Variants in FAM117B observed in about 807,000 individuals in gnomAD.
FAM117B encodes protein FAM117B.
Under a neutral mutation model 52.8 loss-of-function variants are expected in FAM117B, and 22 were observed. The observed-to-expected ratio is 0.42, with a 90% CI of 0.30 to 0.59. FAM117B has a LOEUF of 0.59. Among genes scored for constraint, FAM117B ranks in the 20% least tolerant of loss-of-function variants. The probability of loss-of-function intolerance (pLI) is 0.22; values close to 1 mark genes in which losing one functional copy is unlikely to be tolerated. For synonymous variants in FAM117B, 309 were observed against 324.1 expected, an observed-to-expected ratio of 0.95 and a Z score of 0.50; for missense variants, 678 against 802.6, an observed-to-expected ratio of 0.84 and a Z score of 1.88.
intron 1 of FAM117B, among the ~76,000 whole-genome samples, chr2:202,687,702 TA>T: frequency 6.6e-6 from 1 of 152,342 alleles, no homozygotes; most frequent in East Asian, 1.9e-4. Flanking sequence ...TGAGTCACTG[TA>T]CCCAGCCTGG....
intron 4 of FAM117B, among the ~76,000 whole-genome samples, chr2:202,748,840 C>G (rs570615435): frequency 2.0e-5 from 3 of 152,100 alleles, no homozygotes; most frequent in Non-Finnish European, 2.9e-5. Flanking sequence ...GGATACCCTG[C>G]GCTCACATGT....
At chr2:202,739,806 A>G (rs1438727312) in intron 4 of FAM117B, among the ~76,000 whole-genome samples, 1 of 152,058 alleles carries the variant, frequency 6.6e-6, no homozygotes, top group Non-Finnish European at 1.5e-5. Context: ...ATTAATATAT[A>G]CCATTGAGAT....
Position 202,665,669 on chromosome 2 carries a change from C to T in FAM117B, c.601+29881C>T, listed in dbSNP as rs532211611. ...AGGCTGGAGTGCAGTGGTGCAATCTCGGCTCACTGCAACTTCTGCCTCCCA... is the reference window on the plus strand; with the variant it reads ...AGGCTGGAGTGCAGTGGTGCAATCTTGGCTCACTGCAACTTCTGCCTCCCA... On this transcript the variant is annotated intron_variant, in intron 1 of 7. Coordinates refer to ENST00000392238, the MANE Select transcript of FAM117B (RefSeq NM_173511.4). Among the ~76,000 whole-genome samples, 5 of 152,234 alleles carry T rather than the reference C, an allele frequency of 3.3e-5. No homozygotes were observed. The South Asian group carries it at 8.3e-4, about 25-fold the overall frequency.
intron 4 of FAM117B, among the ~76,000 whole-genome samples, chr2:202,735,340 CAGA>C (rs1341987322): frequency 1.3e-5 from 2 of 152,082 alleles, no homozygotes; most frequent in East Asian, 1.9e-4. Context: ...TCACGATATG[CAGA>C]AGATGATTTT....
chr2:202,744,892 A>C (rs1691606637), intron 4 of FAM117B, among the ~76,000 whole-genome samples: 1 of 147,274 alleles, frequency 6.8e-6, no homozygotes, highest in Non-Finnish European at 1.5e-5. Flanking sequence ...CAAGAGAATC[A>C]CTTGAACCCG....
At position 202,644,069 on chromosome 2, in the gene FAM117B, T is replaced by G. The variant is rs558802561; in HGVS notation, c.601+8281T>G. On this transcript the variant is annotated intron_variant, in intron 1 of 7. Transcript: ENST00000392238. ...TTAGGAGCTGTTTTTTTTTTGTTTT[T>G]TTTTTTTTTTTTTTTCAGTTTTATG... Among the ~76,000 whole-genome samples the G allele has an allele frequency of 4.9e-4, 71 of 144,224 alleles. 1 individual carries two copies. Among genetic ancestry groups the G allele is most frequent in the East Asian group, 2.7e-3 (14 of 5,120 alleles). The allele number at this position is 144,224 out of a possible 152,430, so 94.6% of individuals were successfully genotyped here.
chr2:202,670,249 T>A (rs1690269728), intron 1 of FAM117B, among the ~76,000 whole-genome samples: 1 of 152,174 alleles, frequency 6.6e-6, no homozygotes, highest in African/African-American at 2.4e-5. Context: ...ACATCAAGCT[T>A]CTGTCCTCAA....
At chr2:202,686,735 A>AG (rs1251607546) in intron 1 of FAM117B, among the ~76,000 whole-genome samples, 1 of 151,526 alleles carries the variant, frequency 6.6e-6, no homozygotes, top group Non-Finnish European at 1.5e-5. Flanking sequence ...TGAACCTGGG[A>AG]GGGGGAGGTT....
intron 4 of FAM117B, among the ~76,000 whole-genome samples, chr2:202,737,751 A>G (rs1208610508): frequency 6.6e-6 from 1 of 151,898 alleles, no homozygotes; most frequent in Non-Finnish European, 1.5e-5. Flanking sequence ...ACAGGCACAC[A>G]CCACCACGCC....
At chr2:202,682,427 C>T (rs540279644) in intron 1 of FAM117B, among the ~76,000 whole-genome samples, 3 of 152,282 alleles carry the variant, frequency 2.0e-5, no homozygotes, top group South Asian at 2.1e-4. Context: ...CAAAAGCAGT[C>T]GCCCAACCAC....
At chr2:202,731,368 T>TATATATATATATATATATATATATATAG (rs780138718) in intron 4 of FAM117B, among the ~76,000 whole-genome samples, 9 of 95,832 alleles carry the variant, frequency 9.4e-5, no homozygotes, top group Non-Finnish European at 1.3e-4. Flanking sequence ...TATATATATA[T>TATATATATATATATATATATATATATAG]GGAGAGAGAG....
Position 202,635,386 on chromosome 2 carries a change from G to A in FAM117B, c.199G>A (p.Gly67Ser). ...CGGCGGCGGCGGCGGCAACAACAAC[G>A]GTGGCTGCTGTGGTGGCGCCTCAGG... ...SGGGGGGNNN[G>S]GCCGGASGPA... is the part of the protein sequence containing the mutation. The change falls in exon 1 of 8, where the codon GGT (glycine) becomes AGT (serine). Residue 67 changes from glycine to serine, a missense_variant. Physicochemically the swap from Gly to Ser is moderately conservative, Grantham distance 56. Around this residue, in one of 3 missense-constraint regions of FAM117B, gnomAD observed 583 missense variants for 644.8 expected, o/e 0.90. Transcript: ENST00000392238. The A allele has an allele frequency of 1.5e-6, 2 of 1,351,124 alleles. No individual in the cohort carries two copies. The highest frequency in any genetic ancestry group is 9.5e-7 in the Non-Finnish European group (1 of 1,055,384). 83.7% of individuals were successfully genotyped at this position (1,351,124 alleles called of 1,614,324 possible). A position where few individuals can be genotyped will look rare whatever the true frequency, so the allele number is the denominator to read the frequency against.
Position 202,635,562 on chromosome 2 carries a change from C to T in FAM117B, c.375C>T (p.Pro125=). ...CGACGTCCACGCGAGGCACCAGCCCCACGCGCAGCGCCGCGCCTGGAGCTC... is the reference window on the plus strand; with the variant it reads ...CGACGTCCACGCGAGGCACCAGCCCTACGCGCAGCGCCGCGCCTGGAGCTC... ...ASATSTRGTS[P]TRSAAPGARG... is the part of the protein sequence containing the mutation. The change falls in exon 1 of 8, where the codon CCC becomes CCT. Residue 125 remains proline (P), a synonymous_variant. Transcript: ENST00000392238. The T allele has an allele frequency of 8.2e-7, 1 of 1,218,740 alleles. No homozygotes were observed. Among genetic ancestry groups the T allele is most frequent in the Non-Finnish European group, 1.0e-6 (1 of 982,752 alleles). The allele number at this position is 1,218,740 out of a possible 1,614,324, so 75.5% of individuals were successfully genotyped here. A position where few individuals can be genotyped will look rare whatever the true frequency, so the allele number is the denominator to read the frequency against.
rs114210258 is a variant in FAM117B at position 202,706,098 on chromosome 2, A to T, written c.753+10066A>T. ...CTATTCACAGGCATAATCACCGTGCACTATAGCCTCAAACTCCTTGGCTCA... is the reference window on the plus strand; with the variant it reads ...CTATTCACAGGCATAATCACCGTGCTCTATAGCCTCAAACTCCTTGGCTCA... On this transcript the variant is annotated intron_variant, in intron 2 of 7. Transcript: ENST00000392238. Among the ~76,000 whole-genome samples, 1,506 of 152,246 alleles carry T rather than the reference A, an allele frequency of 9.9e-3. 9 individuals are homozygous for T. The highest frequency in any genetic ancestry group is 0.018 in the Non-Finnish European group (1,215 of 68,004).
chr2:202,751,628 TG>T (rs1691723002), intron 4 of FAM117B, among the ~76,000 whole-genome samples: 1 of 151,906 alleles, frequency 6.6e-6, no homozygotes, highest in Admixed American at 6.6e-5. Context: ...AAAATTTAGC[TG>T]GGCGTTGTCG....
chr2:202,700,975 C>T (rs1690787498), intron 2 of FAM117B, among the ~76,000 whole-genome samples: 1 of 152,198 alleles, frequency 6.6e-6, no homozygotes, highest in South Asian at 2.1e-4. Flanking sequence ...GTTGGGATCA[C>T]AGGTGTGAGC....
At chr2:202,642,483 C>T (rs912713335) in intron 1 of FAM117B, among the ~76,000 whole-genome samples, 2 of 151,700 alleles carry the variant, frequency 1.3e-5, no homozygotes, top group Admixed American at 6.6e-5. Context: ...ACTGATTTGG[C>T]AAACTGTTGG....
Position 202,640,440 on chromosome 2 carries a change from G to A in FAM117B, c.601+4652G>A, listed in dbSNP as rs368551187. On this transcript the variant is annotated intron_variant, in intron 1 of 7. Coordinates refer to ENST00000392238, the MANE Select transcript of FAM117B (RefSeq NM_173511.4). ...TTGGAGTTGGGGAGTGCCAAGGGCAGCAAAAAGTGATAACTTCTTTGGACT... is the reference window on the plus strand; with the variant it reads ...TTGGAGTTGGGGAGTGCCAAGGGCAACAAAAAGTGATAACTTCTTTGGACT... Among the ~76,000 whole-genome samples the A allele has an allele frequency of 1.6e-3, 244 of 149,540 alleles. 1 individual carries two copies. The highest frequency in any genetic ancestry group is 5.8e-3 in the African/African-American group (236 of 40,556).
chr2:202,735,065 C>G (rs1309439461), intron 4 of FAM117B, among the ~76,000 whole-genome samples: 2 of 152,090 alleles, frequency 1.3e-5, no homozygotes, highest in Non-Finnish European at 2.9e-5. Flanking sequence ...TTAGATTACA[C>G]TGCCTTTTTG....
Sources: allele counts gnomAD v4.1 joint callset (sites outside exome capture counted in the v4.1 genomes callset), GRCh38; gene constraint gnomAD v4.1.1; regional missense constraint gnomAD v4.1.1; transcripts MANE v1.5; gene names NCBI Gene and HGNC (gene_info 2026-07-23, HGNC 2026-07-21).